Variants in ABCB1 observed in about 807,000 individuals in gnomAD.
The protein encoded by ABCB1 is ATP binding cassette subfamily B member 1.
Under a neutral mutation model 142.0 loss-of-function variants are expected in ABCB1, and 69 were observed. That is an observed-to-expected ratio of 0.49 (90% CI 0.40 to 0.59). The LOEUF (loss-of-function observed/expected upper bound fraction) is 0.59. ABCB1 is among the 20% of genes least tolerant of loss of function. ABCB1 has a pLI of 0.00. For synonymous variants in ABCB1, 532 were observed against 539.2 expected (o/e 0.99, Z 0.18); for missense variants, 1,326 against 1,554.7 (o/e 0.85, Z 2.47).
At chr7:87,634,470 ACAGT>A (rs1177472743) in intron 1 of ABCB1, among the ~76,000 whole-genome samples, 4 of 83,864 alleles carry the variant, frequency 4.8e-5, no homozygotes, top group South Asian at 5.1e-4. Flanking sequence ...AAAAATACAA[ACAGT>A]CAGGCGTGGT....
intron 1 of ABCB1, among the ~76,000 whole-genome samples, chr7:87,644,317 T>C (rs1822763407): frequency 6.6e-6 from 1 of 152,246 alleles, no homozygotes; most frequent in South Asian, 2.1e-4. Flanking sequence ...TCATGTCTCT[T>C]GGAAGCCATC....
chr7:87,682,213 G>A (rs1029017181), intron 1 of ABCB1, among the ~76,000 whole-genome samples: 3 of 152,166 alleles, frequency 2.0e-5, no homozygotes, highest in Admixed American at 2.0e-4. Context: ...CGATTTCCAT[G>A]TTATCTGCAA....
chr7:87,689,637 G>C (rs902670437), intron 1 of ABCB1, among the ~76,000 whole-genome samples: 4 of 152,094 alleles, frequency 2.6e-5, no homozygotes, highest in Admixed American at 1.3e-4. Context: ...TTTTATAGAA[G>C]AGGGGAAAGA....
At chr7:87,576,293 TTTTG>T (rs538447957) in intron 4 of ABCB1, among the ~76,000 whole-genome samples, 54 of 151,840 alleles carry the variant, frequency 3.6e-4, no homozygotes, top group African/African-American at 1.3e-3. Context: ...CTGTACTATA[TTTTG>T]TTTATCTTTA....
At chr7:87,698,347 G>A (rs1828690786) in intron 1 of ABCB1, among the ~76,000 whole-genome samples, 1 of 152,106 alleles carries the variant, frequency 6.6e-6, no homozygotes, top group South Asian at 2.1e-4. Context: ...TCCCACCTCG[G>A]CCTCCCAAAG....
chr7:87,637,712 G>A lies in ABCB1; in HGVS notation c.-330-36634C>T, dbSNP rs866398180. Among the ~76,000 whole-genome samples, 4 of 151,770 alleles carry A rather than the reference G, an allele frequency of 2.6e-5. No homozygotes were observed. In the South Asian group the frequency reaches 6.2e-4, roughly 24 times the overall value. ...ATCATTGAAAACTTTTCATTTTCTT[G>A]TGGTTGTTGGTATATCGATATAAAT... On this transcript the variant is annotated intron_variant, in intron 1 of 28. Transcript: ENST00000265724.
chr7:87,527,071 T>A (rs1210883385), intron 21 of ABCB1, among the ~76,000 whole-genome samples: 2 of 152,182 alleles, frequency 1.3e-5, no homozygotes, highest in East Asian at 3.9e-4. Context: ...TGATTTTTTT[T>A]AATAGCATCT....
At chr7:87,687,640 T>A (rs1344868163) in intron 1 of ABCB1, among the ~76,000 whole-genome samples, 1 of 152,108 alleles carries the variant, frequency 6.6e-6, no homozygotes, top group African/African-American at 2.4e-5. Context: ...TGTTGAAAAA[T>A]TGATGGAAGA....
intron 1 of ABCB1, among the ~76,000 whole-genome samples, chr7:87,616,843 C>A (rs1417885649): frequency 1.3e-5 from 2 of 152,034 alleles, no homozygotes; most frequent in Admixed American, 1.3e-4. Flanking sequence ...GGTCTAGAGA[C>A]CAACTGGTCT....
intron 25 of ABCB1, among the ~76,000 whole-genome samples, chr7:87,511,594 TA>T (rs535110446): frequency 6.6e-6 from 1 of 152,264 alleles, no homozygotes; most frequent in Non-Finnish European, 1.5e-5. Context: ...GCAACACTTA[TA>T]AGGTCACTGT....
intron 8 of ABCB1, among the ~76,000 whole-genome samples, chr7:87,558,475 A>T (rs1817406688): frequency 6.6e-6 from 1 of 152,130 alleles, no homozygotes; most frequent in Admixed American, 6.5e-5. Context: ...GAATAACGAC[A>T]GTTTTCTTCC....
At chr7:87,610,060 T>C (rs1222454260) in intron 1 of ABCB1, among the ~76,000 whole-genome samples, 1 of 152,178 alleles carries the variant, frequency 6.6e-6, no homozygotes, top group East Asian at 1.9e-4. Flanking sequence ...CATATCTTTT[T>C]GTTGATTTCC....
intron 1 of ABCB1, among the ~76,000 whole-genome samples, chr7:87,706,429 G>A (rs1442196059): frequency 6.6e-6 from 1 of 152,092 alleles, no homozygotes; most frequent in East Asian, 1.9e-4. Context: ...AAACAGAGTC[G>A]ATCCCAAAGG....
Position 87,579,196 on chromosome 7 carries a change from A to C in ABCB1, c.286+6316T>G, listed in dbSNP as rs971328065. Among the ~76,000 whole-genome samples the C allele has an allele frequency of 2.0e-5, 3 of 152,186 alleles. No homozygotes were observed. In the East Asian group the frequency reaches 5.8e-4, roughly 29 times the overall value. On this transcript the variant is annotated intron_variant, in intron 4 of 27. Transcript: ENST00000622132. ...GGGATAATTTGACTTCTTCCTTTCC[A>C]ATTCAGATGCCTTTTTTTTTCTTTC...
rs28381963 is a variant in ABCB1, at chr7:87,532,967, G to A, written c.2482-1470C>T. Among the ~76,000 whole-genome samples the A allele has an allele frequency of 2.6e-3, 394 of 152,192 alleles. 6 individuals are homozygous for A. The East Asian group carries it at 0.026, about 10-fold the overall frequency. ...CACCAGACTAGTATTTAGGAAAAGA[G>A]TGCTATAACTATCAGTAGCCTTTAA... is the stretch of plus-strand genomic sequence containing the variant. On this transcript the variant is annotated intron_variant, in intron 20 of 27. Transcript: ENST00000622132.
chr7:87,610,386 C>T (rs1336823694), intron 1 of ABCB1, among the ~76,000 whole-genome samples: 2 of 147,292 alleles, frequency 1.4e-5, no homozygotes, highest in Non-Finnish European at 3.0e-5. Flanking sequence ...TACATACTAC[C>T]ACACCTGGCC....
At chr7:87,543,287 C>T (rs1248616280) in intron 17 of ABCB1, among the ~76,000 whole-genome samples, 1 of 151,958 alleles carries the variant, frequency 6.6e-6, no homozygotes, top group Non-Finnish European at 1.5e-5. Flanking sequence ...GTGAGCGAGA[C>T]TCAAAAAATA....
chr7:87,569,550 A>G (rs1204206677), intron 5 of ABCB1, among the ~76,000 whole-genome samples: 2 of 152,078 alleles, frequency 1.3e-5, no homozygotes, highest in African/African-American at 4.8e-5. Flanking sequence ...GGGATGTTTT[A>G]TTTTATTGTT....
intron 1 of ABCB1, among the ~76,000 whole-genome samples, chr7:87,656,244 T>C (rs1438508274): frequency 6.6e-6 from 1 of 151,992 alleles, no homozygotes; most frequent in Non-Finnish European, 1.5e-5. Flanking sequence ...CAATTTGTAT[T>C]TGTCAATTTA....
Sources: gnomAD v4.1 joint callset for allele counts (sites outside exome capture counted in the v4.1 genomes callset) on GRCh38, gnomAD v4.1.1 for gene constraint, MANE v1.5 for transcripts, NCBI Gene and HGNC (gene_info 2026-07-23, HGNC 2026-07-21) for gene names.